Variants in RAD51D observed in about 807,000 individuals in gnomAD.
RAD51D encodes DNA repair protein RAD51 homolog 4.
In RAD51D, 38 loss-of-function variants were observed where a neutral mutation model predicts 44.1. That is an observed-to-expected ratio of 0.86 (90% CI 0.67 to 1.13). RAD51D has a LOEUF of 1.13. Among genes scored for constraint, RAD51D ranks in the 50% most tolerant of loss-of-function variants. RAD51D has a pLI of 0.00. For synonymous variants in RAD51D, 141 were observed against 166.6 expected, an observed-to-expected ratio of 0.85 and a Z score of 1.18; for missense variants, 390 against 414.0, an observed-to-expected ratio of 0.94 and a Z score of 0.50.
intron 3 of RAD51D, chr17:35,116,719 T>C (rs778510058): frequency 2.5e-4 from 169 of 665,948 alleles, no homozygotes; most frequent in Admixed American, 3.6e-4. Context: ...CAGTCTCGAT[T>C]TCCTGACCTC....
chr17:35,111,502 G>T (rs1048459187), intron 3 of RAD51D, among the ~76,000 whole-genome samples: 1 of 152,042 alleles, frequency 6.6e-6, no homozygotes, highest in African/African-American at 2.4e-5. Context: ...GGAGGTCAAG[G>T]CTGCAGTGAG....
intron 4 of RAD51D, 100 bp from the exon 5 acceptor site, chr17:35,107,222 G>T (rs2142435309): frequency 6.7e-7 from 1 of 1,502,892 alleles, no homozygotes. Context: ...CAAATGGGCT[G>T]AGTCCCGACC....
chr17:35,108,950 T>C (rs1437383276), intron 3 of RAD51D, among the ~76,000 whole-genome samples: 5 of 148,774 alleles, frequency 3.4e-5, no homozygotes, highest in Non-Finnish European at 7.4e-5. Context: ...CATTGCAACC[T>C]CCACCTCCCA....
At position 35,106,469 on chromosome 17, in the gene RAD51D, G is replaced by T. The variant is rs544654228; in HGVS notation, c.493C>A (p.Arg165=). ...QDEEEQAEAL[R]RIQVVHAFDI... is the part of the protein sequence containing the mutation. ...AATGCATGCACCACCTGGATCCTCC[G>T]GAGAGCTTCTGCCTGAAGCGGTGGA... Residue 165 remains arginine, a synonymous_variant, in exon 6 of 10, where the codon CGG becomes AGG. Transcript: ENST00000345365. 1.2e-6 allele frequency: 2 copies of T among 1,612,352 alleles called. No homozygotes were observed. Among genetic ancestry groups the T allele is most frequent in the Non-Finnish European group, 1.7e-6 (2 of 1,179,204 alleles).
intron 3 of RAD51D, chr17:35,115,134 T>C (rs1296489952): frequency 2.5e-6 from 1 of 404,278 alleles, no homozygotes; most frequent in African/African-American, 2.1e-5. Flanking sequence ...GAGAGACCCC[T>C]GTCTTGCCCC....
rs1597858797 is a variant in RAD51D at position 35,103,497 on chromosome 17, G to A, written c.624C>T (p.Val208=). 6.2e-7 allele frequency: 1 copy of A among 1,614,018 alleles called. No individual in the cohort carries two copies. The highest frequency in any genetic ancestry group is 1.7e-5 in the Admixed American group (1 of 60,004). The part of the protein sequence containing the change: ...GTVKVVVVDS[V]TAVVSPLLGG... ...CCAGAAGTGGGGAAACCACCGCAGT[G>A]ACCGAGTCCACAACCACCACCTTCA... Residue 208 remains valine, a synonymous_variant, in exon 7 of 10, where the codon GTC becomes GTT. Transcript: ENST00000345365. This position sits in a 1 kb window ranked among gnomAD's most constrained non-coding sequence, Gnocchi z 4.1.
At position 35,118,962 on chromosome 17, in the gene RAD51D, C is replaced by G. The variant is rs779767249; in HGVS notation, c.144+149G>C. 2.1e-5 allele frequency: 16 copies of G among 756,974 alleles called. No individual in the cohort carries two copies. In the African/African-American group the frequency reaches 2.8e-4, roughly 13 times the overall value. 46.9% of individuals were successfully genotyped at this position (756,974 alleles called of 1,614,324 possible). ...TTCACCATGTTGGCCTGGATGGTCT[C>G]GAACTCCTGACTTCTGACTCCAAGT... On this transcript the variant is annotated intron_variant, in intron 2 of 9. Transcript: ENST00000345365.
intron 3 of RAD51D, chr17:35,113,515 C>G: frequency 2.5e-6 from 1 of 401,488 alleles, no homozygotes; most frequent in Non-Finnish European, 5.0e-6. Flanking sequence ...GTGACCCACT[C>G]GCCTTGGCCT....
Position 35,099,065 on chromosome 17 carries a change from T to C in RAD51D, c.*1888A>G, listed in dbSNP as rs1196957731. On this transcript the variant is annotated 3_prime_UTR_variant, in exon 10 of 10. Transcript: ENST00000345365. ...CTCATCATGTTGCCCAGGCTGATTT[T>C]AAACTGTTAAACTCCTGGGCTCAAG... The C allele has an allele frequency of 6.6e-6, 1 of 152,116 alleles. No individual in the cohort carries two copies. Among genetic ancestry groups the C allele is most frequent in the East Asian group, 1.9e-4 (1 of 5,186 alleles). The allele number at this position is 152,116 out of a possible 1,614,324, so 9.4% of individuals were successfully genotyped here.
At position 35,104,315 on chromosome 17, in the gene RAD51D, C is replaced by A. The variant is rs537254920; in HGVS notation, c.577-771G>T. Among the ~76,000 whole-genome samples, 59 of 152,256 alleles carry A rather than the reference C, an allele frequency of 3.9e-4. 1 individual carries two copies. In the South Asian group the frequency reaches 0.011, roughly 29 times the overall value. ...TAACTTCCTTTGCTGAAGAGTTTAGCCTTCTCTTTACTTCACTGTCTCCTT... is the reference window on the plus strand; with the variant it reads ...TAACTTCCTTTGCTGAAGAGTTTAGACTTCTCTTTACTTCACTGTCTCCTT... On this transcript the variant is annotated intron_variant, in intron 6 of 9. Coordinates refer to ENST00000345365, the MANE Select transcript of RAD51D (RefSeq NM_002878.4).
At chr17:35,117,034 A>T (rs757555839) in intron 3 of RAD51D, 1 of 1,610,754 alleles carries the variant, frequency 6.2e-7, no homozygotes, top group South Asian at 1.1e-5. Context: ...TGCGCCCTCC[A>T]TGTCTGTTGG....
Position 35,092,287 on chromosome 17 carries a change from G to A in RAD51D, c.*8666C>T, listed in dbSNP as rs2091461916. ...GTACTTTCCAACGCATATTTATGAA[G>A]CACAGGCCTTTCCCCAAACAGTTGT... On this transcript the variant is annotated 3_prime_UTR_variant, in exon 10 of 10. Coordinates refer to ENST00000345365, the MANE Select transcript of RAD51D (RefSeq NM_002878.4). 6.6e-6 allele frequency: 1 copy of A among 152,148 alleles called. No homozygotes were observed. The highest frequency in any genetic ancestry group is 2.1e-4 in the South Asian group (1 of 4,824). 9.4% of individuals were successfully genotyped at this position (152,148 alleles called of 1,614,324 possible). A position where few individuals can be genotyped will look rare whatever the true frequency, so the allele number is the denominator to read the frequency against.
chr17:35,110,872 C>T (rs1222608862), intron 3 of RAD51D, among the ~76,000 whole-genome samples: 2 of 152,200 alleles, frequency 1.3e-5, no homozygotes, highest in African/African-American at 2.4e-5. Flanking sequence ...TTTGGGAGGC[C>T]GAGGCGGGCG....
At position 35,119,530 on chromosome 17, in the gene RAD51D, A is replaced by C. The variant is rs1597878498; in HGVS notation, c.82+2T>G. On this transcript the variant is annotated splice_donor_variant, in intron 1 of 9. Transcript: ENST00000345365. LOFTEE classifies it high-confidence loss of function. ...CTCCCTGGCACGCGCACACCCGGTCACCTGTCTTGATCCTGTGGCTCCTGA... is the reference window on the plus strand; with the variant it reads ...CTCCCTGGCACGCGCACACCCGGTCCCCTGTCTTGATCCTGTGGCTCCTGA... 6.2e-7 allele frequency: 1 copy of C among 1,611,548 alleles called. No individual in the cohort carries two copies. The highest frequency in any genetic ancestry group is 1.1e-5 in the South Asian group (1 of 91,082).
At chr17:35,106,874 A>G in intron 5 of RAD51D, 114 bp downstream of exon 5, 1 of 1,503,740 alleles carries the variant, frequency 6.7e-7, no homozygotes, top group Non-Finnish European at 9.2e-7. Context: ...GTATTAATAG[A>G]ACAGCAAGTT....
At position 35,116,905 on chromosome 17, in the gene RAD51D, A is replaced by G. The variant is rs1057517631; in HGVS notation, c.263+1596T>C. ...CCTCGTTCATCGAAAGCATTCAGCG[A>G]AAGTCCATCTGTTCCTCCATGCCCA... On this transcript the variant is annotated intron_variant, in intron 3 of 9. Transcript: ENST00000345365. 3 of 1,603,306 alleles carry G rather than the reference A, an allele frequency of 1.9e-6. No individual in the cohort carries two copies. Among genetic ancestry groups the G allele is most frequent in the African/African-American group, 2.7e-5 (2 of 74,596 alleles).
intron 3 of RAD51D, among the ~76,000 whole-genome samples, chr17:35,117,952 TAG>T (rs1368628274): frequency 1.3e-5 from 2 of 152,212 alleles, no homozygotes; most frequent in African/African-American, 4.8e-5. Context: ...CTCTAACTGG[TAG>T]AGTCACTGAA....
chr17:35,118,703 A>C, intron 2 of RAD51D, 84 bp from the exon 3 acceptor site: 1 of 996,640 alleles, frequency 1.0e-6, no homozygotes, highest in Non-Finnish European at 1.6e-6. Flanking sequence ...ACTTCTCAAT[A>C]TCTGAGAACC....
chr17:35,107,372 T>C lies in RAD51D; in HGVS notation c.339A>G (p.Lys113=), dbSNP rs786202507. 6.4e-7 allele frequency: 1 copy of C among 1,551,536 alleles called. No homozygotes were observed. The highest frequency in any genetic ancestry group is 2.2e-5 in the East Asian group (1 of 44,564). The change falls in exon 4 of 10, where the codon AAA becomes AAG. Residue 113 remains lysine, a synonymous_variant. Transcript: ENST00000345365. ...TEIVGGPGSG[K]TQVCLCMAAN... is the part of the protein sequence containing the mutation. ...CTGCTGGCCTCACATGTACCTGAGT[T>C]TTGCCGCTACCTGGGCCTCCTACAA... is the stretch of plus-strand genomic sequence containing the variant.
Sources: gnomAD v4.1 joint callset for allele counts (sites outside exome capture counted in the v4.1 genomes callset) on GRCh38, gnomAD v4.1.1 for gene constraint, Gnocchi (gnomAD v3.1) non-coding constraint, MANE v1.5 for transcripts, NCBI Gene and HGNC (gene_info 2026-07-23, HGNC 2026-07-21) for gene names.